The following KIF6 variants were observed in gnomAD, a reference collection of about 807,000 sequenced individuals.
The protein encoded by KIF6 is kinesin family member 6.
KIF6 carries 106 observed loss-of-function variants against 112.7 expected under a neutral mutation model. The ratio of observed to expected loss-of-function variants is 0.94; its 90% CI spans 0.80 to 1.11. The LOEUF (loss-of-function observed/expected upper bound fraction) is 1.11. Among genes scored for constraint, KIF6 ranks in the 50% least tolerant of loss-of-function variants. KIF6 has a pLI of 0.00. For synonymous variants in KIF6, 339 were observed against 339.9 expected (o/e 1.00, Z 0.03); for missense variants, 929 against 964.0 (o/e 0.96, Z 0.48).
At chr6:39,612,931 A>C (rs557426237) in intron 6 of KIF6, among the ~76,000 whole-genome samples, 51 of 152,284 alleles carry the variant, frequency 3.3e-4, no homozygotes, top group African/African-American at 1.1e-3. Flanking sequence ...AGATACACTA[A>C]AGTAGAAAAA....
chr6:39,649,043 G>T (rs1284173869), intron 3 of KIF6, among the ~76,000 whole-genome samples: 3 of 151,654 alleles, frequency 2.0e-5, no homozygotes, highest in African/African-American at 7.3e-5. Flanking sequence ...TGCTCCTGGA[G>T]TCCTAGCTAC....
chr6:39,605,719 G>GA, intron 6 of KIF6, among the ~76,000 whole-genome samples: 1 of 152,244 alleles, frequency 6.6e-6, no homozygotes, highest in Middle Eastern at 3.4e-3. Flanking sequence ...AGATGCCGAA[G>GA]AAAGAACTCT....
At chr6:39,339,127 C>T (rs576800262) in intron 22 of KIF6, among the ~76,000 whole-genome samples, 11 of 152,192 alleles carry the variant, frequency 7.2e-5, no homozygotes, top group African/African-American at 1.7e-4. Flanking sequence ...TTTTGATTAC[C>T]GTGGGCTCCC....
chr6:39,545,629 AC>A lies in KIF6; in HGVS notation c.1240del (p.Val414LeufsTer15), dbSNP rs1472344686. ...ATGAACTTTACGCATATCCGCGCCA[AC>A]CTCTAATCTACTGTCTGAATCCTGG... ...EDQDSDSRLE[V>X]GADMRKVHHC... On this transcript the variant is annotated frameshift_variant, in exon 11 of 23. Transcript: ENST00000287152. LOFTEE classifies it high-confidence loss of function. 1.2e-6 allele frequency: 2 copies of A among 1,613,892 alleles called. No homozygotes were observed. The highest frequency in any genetic ancestry group is 1.7e-5 in the Admixed American group (1 of 60,018).
intron 15 of KIF6, among the ~76,000 whole-genome samples, chr6:39,405,803 C>T (rs1481385366): frequency 5.9e-5 from 9 of 152,124 alleles, no homozygotes; most frequent in Admixed American, 5.9e-4. Context: ...TACAATGAAA[C>T]TCTCTGGGCC....
chr6:39,417,353 T>C (rs1769996510), intron 15 of KIF6, among the ~76,000 whole-genome samples: 1 of 152,190 alleles, frequency 6.6e-6, no homozygotes, highest in Non-Finnish European at 1.5e-5. Context: ...ACTGTGGTAT[T>C]TGCATAAAGT....
At chr6:39,553,161 T>C (rs1284065209) in intron 10 of KIF6, among the ~76,000 whole-genome samples, 1 of 152,152 alleles carries the variant, frequency 6.6e-6, no homozygotes, top group Non-Finnish European at 1.5e-5. Flanking sequence ...AACCAGTTAG[T>C]GAAAGACATG....
chr6:39,673,924 C>T (rs1786984923), intron 3 of KIF6, among the ~76,000 whole-genome samples: 1 of 151,970 alleles, frequency 6.6e-6, no homozygotes, highest in Non-Finnish European at 1.5e-5. Flanking sequence ...AGTCTTAGAA[C>T]AAGTAGAAAG....
chr6:39,358,587 G>GGTCATACCACCTT (rs1562128262), intron 18 of KIF6, among the ~76,000 whole-genome samples: 5 of 152,188 alleles, frequency 3.3e-5, no homozygotes, highest in African/African-American at 1.2e-4. Flanking sequence ...CTTGTCGACC[G>GGTCATACCACCTT]GTCAGTGGTG....
chr6:39,365,956 G>A (rs1765528031), intron 16 of KIF6, among the ~76,000 whole-genome samples: 1 of 152,214 alleles, frequency 6.6e-6, no homozygotes, highest in South Asian at 2.1e-4. Flanking sequence ...CCATTTAAAG[G>A]CTGCGGTCAC....
intron 1 of KIF6, among the ~76,000 whole-genome samples, chr6:39,724,973 G>C (rs756497015): frequency 1.3e-4 from 20 of 152,232 alleles, no homozygotes; most frequent in Non-Finnish European, 2.5e-4. Flanking sequence ...GCCCCCGCGT[G>C]AACACGTGTG....
At chr6:39,652,538 AAC>A (rs1327532392) in intron 3 of KIF6, among the ~76,000 whole-genome samples, 3 of 151,988 alleles carry the variant, frequency 2.0e-5, no homozygotes, top group African/African-American at 7.2e-5. Flanking sequence ...AAAAAAAAAA[AAC>A]AAAACAAAAC....
intron 18 of KIF6, among the ~76,000 whole-genome samples, chr6:39,358,501 G>A (rs1462800309): frequency 6.6e-6 from 1 of 152,194 alleles, no homozygotes; most frequent in Admixed American, 6.5e-5. Context: ...TCTGGCTTTC[G>A]CTGTCTCTGT....
Position 39,335,896 on chromosome 6 carries a change from A to C in KIF6, c.*636T>G, listed in dbSNP as rs1312393899. On this transcript the variant is annotated 3_prime_UTR_variant, in exon 23 of 23. Coordinates refer to ENST00000287152, the MANE Select transcript of KIF6 (RefSeq NM_145027.6). ...GTGCTATGATGTCCTTAGACCCTGC[A>C]GGGCAGATGGCTCCCTGGAGACACA... 2 of 152,512 alleles carry C rather than the reference A, an allele frequency of 1.3e-5. No individual in the cohort carries two copies. Among genetic ancestry groups the C allele is most frequent in the African/African-American group, 4.8e-5 (2 of 41,458 alleles). 9.4% of individuals were successfully genotyped at this position (152,512 alleles called of 1,614,324 possible). A position where few individuals can be genotyped will look rare whatever the true frequency, so the allele number is the denominator to read the frequency against.
chr6:39,451,432 G>A (rs1772696397), intron 13 of KIF6, among the ~76,000 whole-genome samples: 1 of 152,184 alleles, frequency 6.6e-6, no homozygotes, highest in South Asian at 2.1e-4. Context: ...GATTCTCAGA[G>A]GGAGGAATTG....
intron 3 of KIF6, among the ~76,000 whole-genome samples, chr6:39,647,319 C>G (rs545479694): frequency 6.6e-6 from 1 of 152,196 alleles, no homozygotes; most frequent in South Asian, 2.1e-4. Context: ...TTCTGCCTAG[C>G]AAGCTTTCTT....
intron 13 of KIF6, among the ~76,000 whole-genome samples, chr6:39,445,039 G>C (rs1240167578): frequency 6.6e-6 from 1 of 152,182 alleles, no homozygotes; most frequent in Admixed American, 6.5e-5. Context: ...CTGGCTTGTA[G>C]TGAATCCTTG....
chr6:39,610,072 G>A (rs932667453), intron 6 of KIF6, among the ~76,000 whole-genome samples: 2 of 152,152 alleles, frequency 1.3e-5, no homozygotes, highest in African/African-American at 2.4e-5. Context: ...ATTGAATGCA[G>A]GCTGCTTTCT....
chr6:39,458,353 G>A (rs1287084117), intron 13 of KIF6, among the ~76,000 whole-genome samples: 1 of 146,662 alleles, frequency 6.8e-6, no homozygotes, highest in Non-Finnish European at 1.5e-5. Context: ...AATAAATTAG[G>A]TATTGATGGG....
Sources: gnomAD v4.1 joint callset for allele counts (sites outside exome capture counted in the v4.1 genomes callset) on GRCh38, gnomAD v4.1.1 for gene constraint, MANE v1.5 for transcripts, NCBI Gene and HGNC (gene_info 2026-07-23, HGNC 2026-07-21) for gene names.